Variants in LDHB observed in about 807,000 individuals in gnomAD.
LDHB encodes L-lactate dehydrogenase B chain.
A neutral mutation model predicts 33.4 loss-of-function variants in LDHB; 18 were observed. That is an observed-to-expected ratio of 0.54 (90% CI 0.37 to 0.80). The LOEUF is 0.80. LDHB is among the 30% of genes least tolerant of loss of function. LDHB has a pLI of 0.00. For missense variants in LDHB, 345 were observed against 407.9 expected (o/e 0.85, Z 1.33); for synonymous variants, 121 against 140.6 (o/e 0.86, Z 0.98).
chr12:21,635,429 T>C lies in LDHB; in HGVS notation c.*113A>G. 1.1e-6 allele frequency: 1 copy of C among 880,044 alleles called. No homozygotes were observed. Among genetic ancestry groups the C allele is most frequent in the Non-Finnish European group, 1.9e-6 (1 of 521,656 alleles). The allele number at this position is 880,044 out of a possible 1,614,324, so 54.5% of individuals were successfully genotyped here. On this transcript the variant is annotated 3_prime_UTR_variant, in exon 8 of 8. Transcript: ENST00000350669. ...AGGCTTTGATTCTGTGAGCCCAAAT[T>C]CACATATTGAAGAAGATCAAAGCAA...
In LDHB at chr12:21,650,137, C is replaced by T. The variant is rs1305195513; in HGVS notation, c.130-3121G>A. ...ACACACACACACACACACACACACA[C>T]ACACACACACACACGTCTCTCTCTC... On this transcript the variant is annotated intron_variant, in intron 2 of 7. Transcript: ENST00000350669. Among the ~76,000 whole-genome samples the T allele has an allele frequency of 4.6e-3, 685 of 147,966 alleles. 16 individuals are homozygous for T. The highest frequency in any genetic ancestry group is 0.012 in the African/African-American group (461 of 39,744).
chr12:21,649,591 C>T (rs1368501227), intron 2 of LDHB, among the ~76,000 whole-genome samples: 1 of 152,172 alleles, frequency 6.6e-6, no homozygotes, highest in Non-Finnish European at 1.5e-5. Flanking sequence ...ACCAAGAATA[C>T]CACTGTTGAA....
intron 2 of LDHB, among the ~76,000 whole-genome samples, chr12:21,654,175 C>T (rs906784160): frequency 2.0e-5 from 3 of 152,158 alleles, no homozygotes; most frequent in Admixed American, 2.0e-4. Context: ...ACAGTTCCAG[C>T]TTAAAGAATG....
chr12:21,636,086 G>A (rs1350037271), intron 7 of LDHB, among the ~76,000 whole-genome samples: 1 of 152,048 alleles, frequency 6.6e-6, no homozygotes, highest in African/African-American at 2.4e-5. Flanking sequence ...TAAGTAACAA[G>A]TACTTATTTA....
intron 2 of LDHB, among the ~76,000 whole-genome samples, chr12:21,650,926 TG>T (rs1294899475): frequency 2.0e-5 from 3 of 152,182 alleles, no homozygotes; most frequent in Non-Finnish European, 4.4e-5. Flanking sequence ...GACAAGGAGA[TG>T]TTGAAGCTAC....
intron 4 of LDHB, among the ~76,000 whole-genome samples, chr12:21,642,658 C>A (rs1317329839): frequency 6.6e-6 from 1 of 152,128 alleles, no homozygotes; most frequent in Non-Finnish European, 1.5e-5. Context: ...TATGTCAGAA[C>A]CTTTGCTCCA....
intron 3 of LDHB, among the ~76,000 whole-genome samples, chr12:21,645,378 A>G (rs980993563): frequency 1.3e-5 from 2 of 152,130 alleles, no homozygotes; most frequent in African/African-American, 4.8e-5. Context: ...CCAGCCCGAC[A>G]CTGGTAAAGG....
chr12:21,638,469 C>T lies in LDHB; in HGVS notation c.597G>A (p.Val199=). 2.0e-6 allele frequency: 3 copies of T among 1,474,726 alleles called. No individual in the cohort carries two copies. The highest frequency in any genetic ancestry group is 1.2e-5 in the South Asian group (1 of 85,240). The allele number at this position is 1,474,726 out of a possible 1,614,324, so 91.4% of individuals were successfully genotyped here. Residue 199 remains valine (V), a splice_region_variant and synonymous_variant, in exon 6 of 8, where the codon GTG becomes GTA. Coordinates refer to ENST00000350669, the MANE Select transcript of LDHB (RefSeq NM_002300.8). ...CCACATTCACACCACTCCACACAGC[C>T]ACTGTTTAAAAAAAAAAAAAAAGAC... ...WILGEHGDSS[V]AVWSGVNVAG... is the part of the protein sequence containing the mutation.
chr12:21,652,493 A>G (rs1193594101), intron 2 of LDHB, among the ~76,000 whole-genome samples: 1 of 152,224 alleles, frequency 6.6e-6, no homozygotes, highest in East Asian at 1.9e-4. Flanking sequence ...ATGTAAGCTG[A>G]AATAGTTTTT....
In LDHB at chr12:21,640,035, G is replaced by A. The variant is rs181200701; in HGVS notation, c.596-1565C>T. On this transcript the variant is annotated intron_variant, in intron 5 of 7. Coordinates refer to ENST00000350669, the MANE Select transcript of LDHB (RefSeq NM_002300.8). ...GATTTATACTCTGAGCTTATTGGGA[G>A]AAAATAGTCCTTTACACAGGTGGCA... Among the ~76,000 whole-genome samples the A allele has an allele frequency of 1.0e-3, 159 of 151,926 alleles. 2 individuals are homozygous for A. Among genetic ancestry groups the A allele is most frequent in the African/African-American group, 3.6e-3 (151 of 41,510 alleles).
At chr12:21,641,502 A>G (rs1318424122) in intron 5 of LDHB, among the ~76,000 whole-genome samples, 2 of 152,196 alleles carry the variant, frequency 1.3e-5, no homozygotes, top group Non-Finnish European at 2.9e-5. Flanking sequence ...AAGGATATAT[A>G]GTAGATGTAA....
At chr12:21,642,859 G>A (rs1938410251) in intron 4 of LDHB, among the ~76,000 whole-genome samples, 2 of 152,238 alleles carry the variant, frequency 1.3e-5, no homozygotes, top group East Asian at 1.9e-4. Flanking sequence ...AGGACATTTG[G>A]GACTGGATAA....
intron 2 of LDHB, among the ~76,000 whole-genome samples, chr12:21,650,103 A>AAT (rs34667775): frequency 0.013 from 1,780 of 137,050 alleles, 47 homozygotes; most frequent in African/African-American, 0.048. Context: ...AGAGAAAAAA[A>AAT]ATACACACAC....
intron 4 of LDHB, 52 bp from the exon 5 acceptor site, chr12:21,642,177 G>A (rs779948128): frequency 7.2e-7 from 1 of 1,387,138 alleles, no homozygotes; most frequent in African/African-American, 1.4e-5. Context: ...AACTTCAACT[G>A]TTAGGCAGCT....
chr12:21,645,294 A>C (rs1160896748), intron 3 of LDHB, among the ~76,000 whole-genome samples: 3 of 152,068 alleles, frequency 2.0e-5, no homozygotes, highest in Non-Finnish European at 2.9e-5. Flanking sequence ...GTTTCTCCCC[A>C]CGTGATAGTC....
At chr12:21,645,704 C>G (rs926059676) in intron 3 of LDHB, among the ~76,000 whole-genome samples, 2 of 152,118 alleles carry the variant, frequency 1.3e-5, no homozygotes, top group African/African-American at 4.8e-5. Flanking sequence ...CCACTATTAC[C>G]CTATTGTCCA....
chr12:21,635,555 A>G lies in LDHB; in HGVS notation c.992T>C (p.Leu331Pro). Residue 331 changes from leucine (L) to proline (P), a missense_variant, in exon 8 of 8, where the codon CTA (leucine) becomes CCA (proline). Transcript: ENST00000350669. ...ADTLWDIQKD[L>P]KDL is the part of the protein sequence containing the mutation. ...AGAGCTCACTAGTCACAGGTCTTTT[A>G]GGTCCTTCTGGATGTCCCACAGGGT... 7 of 1,611,952 alleles carry G rather than the reference A, an allele frequency of 4.3e-6. No homozygotes were observed. The highest frequency in any genetic ancestry group is 5.9e-6 in the Non-Finnish European group (7 of 1,179,666).
rs537813200 is a variant in LDHB at position 21,641,387 on chromosome 12, T to C, written c.595+565A>G. Among the ~76,000 whole-genome samples, 25 of 152,246 alleles carry C rather than the reference T, an allele frequency of 1.6e-4. No homozygotes were observed. The South Asian group carries it at 5.0e-3, about 30-fold the overall frequency. On this transcript the variant is annotated intron_variant, in intron 5 of 7. Transcript: ENST00000350669. ...TGATAAAGAAACAATCAGACAAGTC[T>C]AAAATGATGGGCATTCCACAAAATA...
At position 21,641,962 on chromosome 12, in the gene LDHB, G is replaced by T. The variant is rs141629567; in HGVS notation, c.585C>A (p.Gly195=). 1.1e-5 allele frequency: 17 copies of T among 1,610,820 alleles called. No homozygotes were observed. In the South Asian group the frequency reaches 1.9e-4, roughly 18 times the overall value. The change falls in exon 5 of 8, where the codon GGC becomes GGA. Residue 195 remains glycine (G), a synonymous_variant. Transcript: ENST00000350669. ...TTTTTTTTTCTTTACCACTTGAGTC[G>T]CCATGTTCCCCCAAAATCCATCCAT... ...SCHGWILGEH[G]DSSVAVWSGV...
Sources: allele counts gnomAD v4.1 joint callset (sites outside exome capture counted in the v4.1 genomes callset), GRCh38; gene constraint gnomAD v4.1.1; transcripts MANE v1.5; gene names NCBI Gene and HGNC (gene_info 2026-07-23, HGNC 2026-07-21).